The following CCDC14 variants were observed in gnomAD, a reference collection of about 807,000 sequenced individuals.
CCDC14 encodes coiled-coil domain-containing protein 14.
CCDC14 carries 71 observed loss-of-function variants against 81.4 expected under a neutral mutation model. The observed-to-expected ratio is 0.87, with a 90% CI of 0.72 to 1.06. The LOEUF is 1.06. Among genes scored for constraint, CCDC14 ranks in the 50% least tolerant of loss-of-function variants. CCDC14 has a pLI of 0.00. For synonymous variants in CCDC14, 332 were observed against 364.8 expected (o/e 0.91, Z 1.03); for missense variants, 1,046 against 1,047.3 (o/e 1.00, Z 0.02).
chr3:123,941,679 T>A (rs1444844721), intron 9 of CCDC14, among the ~76,000 whole-genome samples: 4 of 152,062 alleles, frequency 2.6e-5, no homozygotes, highest in Non-Finnish European at 1.5e-5. Flanking sequence ...GGCAATAGCA[T>A]GCTATATAAT....
chr3:123,896,362 T>G (rs1443055873), downstream of CCDC14, among the ~76,000 whole-genome samples: 1 of 152,224 alleles, frequency 6.6e-6, no homozygotes, highest in Non-Finnish European at 1.5e-5. Flanking sequence ...CTATAATAAA[T>G]GAATACCTTT....
In CCDC14 at chr3:123,920,761, T is replaced by C. The variant is rs1412168235; in HGVS notation, c.1779-5043A>G. On this transcript the variant is annotated intron_variant, in intron 12 of 12. Coordinates refer to ENST00000409697, the MANE Select transcript of CCDC14 (RefSeq NM_001366335.1). ...AAACACATGCAATTATAAAACTCAATGGTATAACACATAATCATATTCTGA... is the reference window on the plus strand; with the variant it reads ...AAACACATGCAATTATAAAACTCAACGGTATAACACATAATCATATTCTGA... Among the ~76,000 whole-genome samples, 3 of 152,244 alleles carry C rather than the reference T, an allele frequency of 2.0e-5. No homozygotes were observed. In the East Asian group the frequency reaches 5.8e-4, roughly 29 times the overall value.
At chr3:123,934,571 A>G (rs1333998515) in intron 9 of CCDC14, among the ~76,000 whole-genome samples, 1 of 152,170 alleles carries the variant, frequency 6.6e-6, no homozygotes, top group Non-Finnish European at 1.5e-5. Flanking sequence ...TAGATGGAAA[A>G]GTTAATGGTC....
rs75956791 is a variant in CCDC14 at position 123,944,419 on chromosome 3, G to A, written c.1343+430C>T. Among the ~76,000 whole-genome samples the A allele has an allele frequency of 5.4e-3, 818 of 152,168 alleles. 8 individuals are homozygous for A. Among genetic ancestry groups the A allele is most frequent in the African/African-American group, 0.019 (783 of 41,534 alleles). ...CTTTTTCCTAGACAACACATACTGAGACAGTGGCTTCATAAAATGGAGGCA... is the reference window on the plus strand; with the variant it reads ...CTTTTTCCTAGACAACACATACTGAAACAGTGGCTTCATAAAATGGAGGCA... On this transcript the variant is annotated intron_variant, in intron 9 of 12. Coordinates refer to ENST00000409697, the MANE Select transcript of CCDC14 (RefSeq NM_001366335.1).
At chr3:123,949,661 C>T (rs2036894896) in intron 5 of CCDC14, 1 of 153,578 alleles carries the variant, frequency 6.5e-6, no homozygotes, top group Non-Finnish European at 1.4e-5. Context: ...TCACTCCCAA[C>T]TCCAATTTTT....
chr3:123,911,600 G>T (rs1045850654), downstream of CCDC14, among the ~76,000 whole-genome samples: 1 of 152,046 alleles, frequency 6.6e-6, no homozygotes, highest in Non-Finnish European at 1.5e-5. Flanking sequence ...TCACAGAACT[G>T]ACTATATGTT....
chr3:123,907,918 G>A (rs1325988419), intron 5 of CCDC14, among the ~76,000 whole-genome samples: 1 of 151,676 alleles, frequency 6.6e-6, no homozygotes, highest in Non-Finnish European at 1.5e-5. Flanking sequence ...TCCCCTGCAG[G>A]TGGAGTTGTA....
intron 12 of CCDC14, chr3:123,930,800 C>T (rs139624417): frequency 0.014 from 3,188 of 235,668 alleles, 35 homozygotes; most frequent in Non-Finnish European, 0.018. Context: ...AGCTGGGATT[C>T]CAGTCAGATC....
intron 5 of CCDC14, among the ~76,000 whole-genome samples, chr3:123,901,154 C>A (rs2034169543): frequency 6.6e-6 from 1 of 151,840 alleles, no homozygotes; most frequent in Non-Finnish European, 1.5e-5. Context: ...ATCACTTGAA[C>A]CCAGGAGGTG....
At chr3:123,927,165 G>A (rs2035412648) in intron 12 of CCDC14, among the ~76,000 whole-genome samples, 1 of 151,892 alleles carries the variant, frequency 6.6e-6, no homozygotes, top group African/African-American at 2.4e-5. Flanking sequence ...CAGCACTTTG[G>A]GAGGCCAAGG....
exon 6 of CCDC14, chr3:123,897,597 C>A (rs2034091634): frequency 8.4e-7 from 1 of 1,196,368 alleles, no homozygotes; most frequent in Admixed American, 2.7e-5. Flanking sequence ...ACATTTAAGT[C>A]CACAGTTTTA....
At chr3:123,895,967 C>T, downstream of CCDC14, among the ~76,000 whole-genome samples, 1 of 152,182 alleles carries the variant, frequency 6.6e-6, no homozygotes, top group East Asian at 1.9e-4. Flanking sequence ...TAGCTGCATT[C>T]CCATGCTCAT....
chr3:123,957,032 T>C, intron 1 of CCDC14: 1 of 290,664 alleles, frequency 3.4e-6, no homozygotes, highest in Non-Finnish European at 6.3e-6. Context: ...TAATACAATA[T>C]TTGTTCTTTT....
At chr3:123,886,845 T>C in the CCDC14 span, among the ~76,000 whole-genome samples, 2 of 152,210 alleles carry the variant, frequency 1.3e-5, no homozygotes, top group Non-Finnish European at 2.9e-5. Flanking sequence ...TAGAGAAATA[T>C]TATTCTTCAT....
chr3:123,946,688 C>T, intron 8 of CCDC14, 115 bp downstream of exon 8: 2 of 1,058,976 alleles, frequency 1.9e-6, no homozygotes, highest in East Asian at 2.4e-5. Context: ...TTCTTATTAG[C>T]TCAAAACACA....
chr3:123,895,535 G>GAACAA (rs1182508681), downstream of CCDC14, among the ~76,000 whole-genome samples: 4 of 152,202 alleles, frequency 2.6e-5, no homozygotes, highest in African/African-American at 7.2e-5. Context: ...AAACAAAACA[G>GAACAA]AACAAAACAA....
intron 1 of CCDC14, among the ~76,000 whole-genome samples, chr3:123,959,620 C>G (rs2037552302): frequency 6.6e-6 from 1 of 152,072 alleles, no homozygotes; most frequent in Non-Finnish European, 1.5e-5. Flanking sequence ...TGTGCAGAAG[C>G]TTTTTAGTTT....
At chr3:123,907,928 A>G (rs1036695978) in intron 5 of CCDC14, among the ~76,000 whole-genome samples, 2 of 151,452 alleles carry the variant, frequency 1.3e-5, no homozygotes, top group Non-Finnish European at 2.9e-5. Context: ...GTGGAGTTGT[A>G]CTCTTCTTAG....
chr3:123,905,473 T>A (rs2034287347), intron 5 of CCDC14, among the ~76,000 whole-genome samples: 1 of 152,084 alleles, frequency 6.6e-6, no homozygotes, highest in Admixed American at 6.6e-5. Flanking sequence ...TGCAGAAGAA[T>A]GTCTTGACTC....
Sources: allele counts gnomAD v4.1 joint callset (sites outside exome capture counted in the v4.1 genomes callset), GRCh38; gene constraint gnomAD v4.1.1; transcripts MANE v1.5; gene names NCBI Gene and HGNC (gene_info 2026-07-23, HGNC 2026-07-21).